SHROOM4: variants seen among roughly 807,000 people sequenced by gnomAD.
The protein encoded by SHROOM4 is shroom family member 4.
Under a neutral mutation model 80.3 loss-of-function variants are expected in SHROOM4, and 17 were observed. The observed-to-expected ratio is 0.21, with a 90% confidence interval of 0.14 to 0.32. The LOEUF is 0.32. SHROOM4 is among the 10% of genes least tolerant of loss of function. SHROOM4 has a pLI of 1.00. For missense variants in SHROOM4, 993 were observed against 1,140.3 expected (o/e 0.87, Z 1.86); for synonymous variants, 400 against 437.5 (o/e 0.91, Z 1.07).
chrX:50,795,605 A>T (rs1935995630), intron 1 of SHROOM4, among the ~76,000 whole-genome samples: 1 of 111,831 alleles, frequency 8.9e-6, no homozygotes, highest in African/African-American at 3.3e-5. Flanking sequence ...AGATTTAGTC[A>T]GGTAGCTGGG....
At chrX:50,789,349 AC>A (rs1392425295) in intron 1 of SHROOM4, among the ~76,000 whole-genome samples, 1 of 112,206 alleles carries the variant, frequency 8.9e-6, no homozygotes, top group Admixed American at 9.5e-5. Flanking sequence ...CAGAAAAAAA[AC>A]TGGCAAATTC....
At chrX:50,682,273 G>C (rs929762579) in intron 2 of SHROOM4, among the ~76,000 whole-genome samples, 2 of 111,648 alleles carry the variant, frequency 1.8e-5, no homozygotes, top group Non-Finnish European at 3.8e-5. Flanking sequence ...ACTCATCTTT[G>C]ACTCTATCTC....
chrX:50,811,780 G>C (rs782525917), intron 1 of SHROOM4, among the ~76,000 whole-genome samples: 1 of 111,450 alleles, frequency 9.0e-6, no homozygotes, highest in South Asian at 3.8e-4. Flanking sequence ...GGAGGAATGG[G>C]AGAAATAATT....
chrX:50,617,622 T>TCCCC (rs58839497), intron 5 of SHROOM4, among the ~76,000 whole-genome samples: 4 of 63,298 alleles, frequency 6.3e-5, no homozygotes, highest in Admixed American at 2.2e-4. Context: ...CTTAAAAAAA[T>TCCCC]CCCCCCCCCC....
intron 1 of SHROOM4, among the ~76,000 whole-genome samples, chrX:50,755,811 G>A (rs1361837197): frequency 1.8e-5 from 2 of 111,284 alleles, no homozygotes; most frequent in African/African-American, 6.5e-5. Flanking sequence ...ATAGGTCCAT[G>A]GTAGTAGGGT....
chrX:50,736,678 G>A lies in SHROOM4; in HGVS notation c.118-40741C>T, dbSNP rs191825368. Among the ~76,000 whole-genome samples, 208 of 111,871 alleles carry A rather than the reference G, an allele frequency of 1.9e-3. 1 individual carries two copies. Among genetic ancestry groups the A allele is most frequent in the Non-Finnish European group, 2.4e-3 (126 of 53,174 alleles). ...GCATTTAGGTTGATTCTATGTCTTC[G>A]CTATTATGAATAGTGCTGCAATAAA... On this transcript the variant is annotated intron_variant, in intron 1 of 8. Coordinates refer to ENST00000376020, the MANE Select transcript of SHROOM4 (RefSeq NM_020717.5).
intron 1 of SHROOM4, among the ~76,000 whole-genome samples, chrX:50,706,797 C>T (rs782156107): frequency 1.8e-5 from 2 of 111,768 alleles, no homozygotes; most frequent in Non-Finnish European, 3.8e-5. Flanking sequence ...CCATTTGTCA[C>T]GAGGTGCCCC....
intron 1 of SHROOM4, among the ~76,000 whole-genome samples, chrX:50,714,045 T>C (rs1933886798): frequency 8.9e-6 from 1 of 112,037 alleles, no homozygotes; most frequent in Non-Finnish European, 1.9e-5. Context: ...CTTATTGAGT[T>C]TTCCCAGCAC....
intron 4 of SHROOM4, 133 bp downstream of exon 4, chrX:50,633,045 A>G: frequency 1.5e-6 from 1 of 664,545 alleles, no homozygotes; most frequent in South Asian, 2.9e-5. Flanking sequence ...CAAGGTTACT[A>G]AGCTAACAAC....
At chrX:50,705,224 G>A (rs374562650) in intron 1 of SHROOM4, among the ~76,000 whole-genome samples, 6 of 110,293 alleles carry the variant, frequency 5.4e-5, no homozygotes, top group Non-Finnish European at 9.5e-5. Flanking sequence ...TCAACAAAAC[G>A]TGCCAAATAA....
chrX:50,597,617 T>C (rs1557246906), intron 8 of SHROOM4, among the ~76,000 whole-genome samples: 1 of 111,496 alleles, frequency 9.0e-6, no homozygotes, highest in South Asian at 3.8e-4. Flanking sequence ...TGATTCAGTG[T>C]TTACCCTGTC....
chrX:50,682,085 G>A (rs1389997484), intron 2 of SHROOM4, among the ~76,000 whole-genome samples: 3 of 111,944 alleles, frequency 2.7e-5, no homozygotes, highest in Non-Finnish European at 3.8e-5. Context: ...TCTTACAGAT[G>A]CTTCAAATTC....
intron 2 of SHROOM4, among the ~76,000 whole-genome samples, chrX:50,688,630 T>A (rs1449679364): frequency 1.8e-5 from 2 of 111,071 alleles, no homozygotes; most frequent in Non-Finnish European, 3.8e-5. Flanking sequence ...AATGGCAAAA[T>A]TGAGTTGTGG....
intron 5 of SHROOM4, among the ~76,000 whole-genome samples, chrX:50,618,345 T>C (rs1602372212): frequency 9.7e-5 from 1 of 10,330 alleles, no homozygotes; most frequent in African/African-American, 5.5e-4. Context: ...CCTTCCTTCC[T>C]TCCTTCCTTC....
At chrX:50,794,556 G>A (rs1557271828) in intron 1 of SHROOM4, among the ~76,000 whole-genome samples, 1 of 109,267 alleles carries the variant, frequency 9.2e-6, no homozygotes, top group African/African-American at 3.3e-5. Flanking sequence ...TAGCACAGAA[G>A]ACAAGGAAGC....
intron 5 of SHROOM4, among the ~76,000 whole-genome samples, chrX:50,617,079 G>A (rs1237870818): frequency 1.8e-5 from 2 of 111,921 alleles, no homozygotes; most frequent in Non-Finnish European, 3.8e-5. Flanking sequence ...CACAGGACAG[G>A]CAATTGAGCA....
intron 2 of SHROOM4, among the ~76,000 whole-genome samples, chrX:50,691,169 T>C (rs1034759175): frequency 8.9e-6 from 1 of 111,811 alleles, no homozygotes. Flanking sequence ...AACTCTCCCA[T>C]ACAGAAGTTT....
chrX:50,634,983 T>C lies in SHROOM4; in HGVS notation c.1090A>G (p.Thr364Ala). The change falls in exon 4 of 9, where the codon ACC becomes GCC. Residue 364 changes from threonine to alanine, a missense_variant. Coordinates refer to ENST00000376020, the MANE Select transcript of SHROOM4 (RefSeq NM_020717.5). ...GCTTTTGGGGATCCAACAGCTTTGG[T>C]TGAGGCCTGCATCAGTAGATGCTCA... ...GSEHLLMQAS[T>A]KAVGSPKACD... The C allele has an allele frequency of 2.5e-6, 3 of 1,212,119 alleles. No individual in the cohort carries two copies. In the East Asian group the frequency reaches 8.9e-5, roughly 36 times the overall value.
At chrX:50,623,404 T>C (rs1557252344) in intron 5 of SHROOM4, among the ~76,000 whole-genome samples, 1 of 111,237 alleles carries the variant, frequency 9.0e-6, no homozygotes, top group East Asian at 2.8e-4. Context: ...GCCAAGCTGG[T>C]CTCGAACTCC....
Sources: allele counts gnomAD v4.1 joint callset (sites outside exome capture counted in the v4.1 genomes callset), GRCh38; gene constraint gnomAD v4.1.1; transcripts MANE v1.5; gene names NCBI Gene and HGNC (gene_info 2026-07-23, HGNC 2026-07-21).